Variants in STX18 observed in about 807,000 individuals in gnomAD.
STX18 encodes syntaxin 18.
Under a neutral mutation model 50.1 loss-of-function variants are expected in STX18, and 40 were observed. The observed-to-expected ratio is 0.80, with a 90% CI of 0.62 to 1.04. The LOEUF (loss-of-function observed/expected upper bound fraction) is 1.04, where lower values mean the gene tolerates loss of function less well. Among genes scored for constraint, STX18 ranks in the 50% least tolerant of loss-of-function variants. The pLI is 0.00. For synonymous variants in STX18, 158 were observed against 151.8 expected, an observed-to-expected ratio of 1.04 and a Z score of -0.30; for missense variants, 410 against 415.8, an observed-to-expected ratio of 0.99 and a Z score of 0.12.
rs776291839 is a variant in STX18 at position 4,420,082 on chromosome 4, G to T, written c.960C>A (p.Leu320=). ...AGFRVWILFF[L]VMCSFSLLFL... ...AGAGCAAGGAGAAGGAGCACATCAC[G>T]AGGAAGAAGAGGATCCACACGCGGA... The change falls in exon 11 of 11, where the codon CTC becomes CTA. Residue 320 remains leucine, a synonymous_variant. Coordinates refer to ENST00000306200, the MANE Select transcript of STX18 (RefSeq NM_016930.4). This position sits in a 1 kb window ranked among gnomAD's most constrained non-coding sequence, Gnocchi z 4.3. 4 of 1,613,534 alleles carry T rather than the reference G, an allele frequency of 2.5e-6. No homozygotes were observed. Among genetic ancestry groups the T allele is most frequent in the Admixed American group, 3.3e-5 (2 of 59,966 alleles).
intron 1 of STX18, among the ~76,000 whole-genome samples, chr4:4,532,627 T>C (rs1158366071): frequency 1.3e-5 from 2 of 152,170 alleles, no homozygotes; most frequent in Non-Finnish European, 2.9e-5. Flanking sequence ...TCCTTATGGA[T>C]TATCTAGTCA....
At chr4:4,471,269 G>A (rs1234162581) in intron 2 of STX18, among the ~76,000 whole-genome samples, 1 of 152,164 alleles carries the variant, frequency 6.6e-6, no homozygotes, top group Non-Finnish European at 1.5e-5. Flanking sequence ...GACCGCAAGA[G>A]ATGGGCAAAA....
chr4:4,512,612 G>T (rs192004816), intron 1 of STX18, among the ~76,000 whole-genome samples: 1 of 152,304 alleles, frequency 6.6e-6, no homozygotes, highest in East Asian at 1.9e-4. Flanking sequence ...GACATTACCA[G>T]TCCTGTATAA....
At chr4:4,459,579 C>A (rs1284018198) in intron 2 of STX18, 92 bp from the exon 3 acceptor site, 3 of 889,116 alleles carry the variant, frequency 3.4e-6, no homozygotes, top group South Asian at 2.9e-5. Flanking sequence ...CCTCCCTGAT[C>A]AGGTGACATT....
At chr4:4,500,524 G>C (rs75120437) in intron 1 of STX18, among the ~76,000 whole-genome samples, 7,229 of 152,246 alleles carry the variant, frequency 0.047, 565 homozygotes, top group African/African-American at 0.16. Flanking sequence ...CTTTTTACCA[G>C]CAACCTGAGC....
intron 1 of STX18, 85 bp from the exon 2 acceptor site, chr4:4,471,791 A>G: frequency 3.0e-6 from 3 of 1,001,106 alleles, no homozygotes; most frequent in Non-Finnish European, 4.3e-6. Context: ...AATAAAATGC[A>G]AATTGCAGAA....
chr4:4,517,878 G>C (rs1055242992), intron 1 of STX18, among the ~76,000 whole-genome samples: 2 of 151,670 alleles, frequency 1.3e-5, no homozygotes, highest in Non-Finnish European at 2.9e-5. Context: ...GGGTTCAAGC[G>C]ATTCTCCTGC....
chr4:4,420,757 G>T lies in STX18; in HGVS notation c.912+107C>A. The T allele has an allele frequency of 9.8e-7, 1 of 1,023,874 alleles. No individual in the cohort carries two copies. Among genetic ancestry groups the T allele is most frequent in the Non-Finnish European group, 1.5e-6 (1 of 658,738 alleles). 63.4% of individuals were successfully genotyped at this position (1,023,874 alleles called of 1,614,324 possible). Reference sequence around the variant, plus strand: ...CACAATTTTGTGATCAGCCCCGTGAGCTCTGCCCAGCAAGGCTCCTGGGCA... The same window carrying T: ...CACAATTTTGTGATCAGCCCCGTGATCTCTGCCCAGCAAGGCTCCTGGGCA... On this transcript the variant is annotated intron_variant, in intron 10 of 10. Coordinates refer to ENST00000306200, the MANE Select transcript of STX18 (RefSeq NM_016930.4). The surrounding 1 kb of genome is among the most constrained non-coding windows in gnomAD (Gnocchi z 4.3).
intron 1 of STX18, among the ~76,000 whole-genome samples, chr4:4,529,573 A>G (rs1028805993): frequency 6.6e-6 from 1 of 151,980 alleles, no homozygotes; most frequent in Non-Finnish European, 1.5e-5. Context: ...AGTGGAGCAC[A>G]GTTCCCAGCC....
intron 6 of STX18, 56 bp downstream of exon 6, chr4:4,438,338 T>G: frequency 1.5e-6 from 2 of 1,361,918 alleles, no homozygotes; most frequent in Non-Finnish European, 2.1e-6. Flanking sequence ...TGCTGTACTC[T>G]TGCCAACATG....
At chr4:4,494,355 A>G (rs781170032) in intron 1 of STX18, among the ~76,000 whole-genome samples, 186 of 152,042 alleles carry the variant, frequency 1.2e-3, no homozygotes, top group Middle Eastern at 6.8e-3. Flanking sequence ...AGCTCCCCAA[A>G]TTCCCTGGCT....
At chr4:4,467,698 A>T (rs1238958870) in intron 2 of STX18, among the ~76,000 whole-genome samples, 8 of 141,684 alleles carry the variant, frequency 5.6e-5, no homozygotes, top group African/African-American at 2.1e-4. Flanking sequence ...TTATCAGAGT[A>T]CCTAACACAG....
intron 1 of STX18, chr4:4,481,510 G>C (rs908198997): frequency 7.2e-5 from 11 of 152,188 alleles, no homozygotes; most frequent in Non-Finnish European, 1.5e-4. Flanking sequence ...TTGCTGTTCA[G>C]TTAGTATGCA....
At chr4:4,536,036 T>C (rs545256864) in intron 1 of STX18, among the ~76,000 whole-genome samples, 5 of 152,370 alleles carry the variant, frequency 3.3e-5, no homozygotes, top group African/African-American at 9.6e-5. Flanking sequence ...ACCTGAGTTG[T>C]TGTGCTACCT....
intron 1 of STX18, among the ~76,000 whole-genome samples, chr4:4,478,501 G>A (rs567927601): frequency 4.6e-4 from 70 of 152,268 alleles, no homozygotes; most frequent in African/African-American, 1.7e-3. Flanking sequence ...TCATTCTCCC[G>A]TTTGAGTTCA....
rs1392346962 is a variant in STX18, at chr4:4,541,813, C to T, written c.152G>A (p.Ser51Asn). The T allele has an allele frequency of 1.9e-6, 3 of 1,609,632 alleles. No individual in the cohort carries two copies. The highest frequency in any genetic ancestry group is 2.5e-6 in the Non-Finnish European group (3 of 1,178,140). Residue 51 changes from serine to asparagine, a missense_variant, in exon 1 of 11, where the codon AGC becomes AAC. Ser to Asn is a conservative substitution (Grantham distance 46). Coordinates refer to ENST00000306200, the MANE Select transcript of STX18 (RefSeq NM_016930.4). ...CCAGCTCACCACTTCGCGGGCCCGG[C>T]TGGAGAAGTCGCCCTTGGGCCGGGG... is the stretch of plus-strand genomic sequence containing the variant. ...RSPRPKGDFS[S>N]RAREVISHIG... is the part of the protein sequence containing the mutation.
chr4:4,533,044 C>T (rs1731173146), intron 1 of STX18, among the ~76,000 whole-genome samples: 1 of 152,138 alleles, frequency 6.6e-6, no homozygotes, highest in Non-Finnish European at 1.5e-5. Context: ...CTTTAGTATT[C>T]ATAGTCTTTG....
chr4:4,440,999 A>C (rs1327054683), intron 5 of STX18, among the ~76,000 whole-genome samples: 2 of 152,200 alleles, frequency 1.3e-5, no homozygotes, highest in East Asian at 3.8e-4. Context: ...GTTCACTTCC[A>C]AGGAGGCCAC....
At chr4:4,436,133 G>A (rs955763628) in intron 6 of STX18, among the ~76,000 whole-genome samples, 2 of 152,202 alleles carry the variant, frequency 1.3e-5, no homozygotes, top group South Asian at 2.1e-4. Context: ...GGAAGAGAAC[G>A]TAATGATAGC....
Sources: gnomAD v4.1 joint callset for allele counts (sites outside exome capture counted in the v4.1 genomes callset) on GRCh38, gnomAD v4.1.1 for gene constraint, Gnocchi (gnomAD v3.1) non-coding constraint, MANE v1.5 for transcripts, NCBI Gene and HGNC (gene_info 2026-07-23, HGNC 2026-07-21) for gene names.